Variants in CLSTN2 observed in about 807,000 individuals in gnomAD.
CLSTN2 encodes calsyntenin-2.
CLSTN2 carries 48 observed loss-of-function variants against 101.2 expected under a neutral mutation model. The ratio of observed to expected loss-of-function variants is 0.47; its 90% confidence interval spans 0.38 to 0.60. The LOEUF is 0.60. Among genes scored for constraint, CLSTN2 ranks in the 20% least tolerant of loss-of-function variants. The pLI, the probability that CLSTN2 is intolerant of heterozygous loss-of-function variation, is 0.00. For synonymous variants in CLSTN2, 481 were observed against 463.6 expected (o/e 1.04, Z -0.48); for missense variants, 1,160 against 1,238.2 (o/e 0.94, Z 0.95).
At chr3:140,340,184 TG>T (rs1477318960) in intron 2 of CLSTN2, among the ~76,000 whole-genome samples, 20 of 152,272 alleles carry the variant, frequency 1.3e-4, no homozygotes, top group Non-Finnish European at 1.5e-5. Context: ...TCCTAGCAGA[TG>T]TCCTCCTACA....
chr3:140,300,232 A>G (rs1463003850), intron 2 of CLSTN2, among the ~76,000 whole-genome samples: 2 of 152,224 alleles, frequency 1.3e-5, no homozygotes, highest in Non-Finnish European at 2.9e-5. Flanking sequence ...TTCCTGATGC[A>G]GGGCTGGGCA....
At chr3:140,516,280 TCCATTCTG>T (rs1490151466) in intron 8 of CLSTN2, among the ~76,000 whole-genome samples, 1 of 152,236 alleles carries the variant, frequency 6.6e-6, no homozygotes, top group East Asian at 1.9e-4. Flanking sequence ...TGAATTTTTA[TCCATTCTG>T]CCATTCTGTA....
intron 8 of CLSTN2, among the ~76,000 whole-genome samples, chr3:140,469,647 T>C (rs1933788578): frequency 6.6e-6 from 1 of 152,210 alleles, no homozygotes; most frequent in Non-Finnish European, 1.5e-5. Flanking sequence ...TTATCCTGCC[T>C]GTCTGCTCAC....
intron 1 of CLSTN2, among the ~76,000 whole-genome samples, chr3:140,034,554 G>C (rs1321538307): frequency 6.6e-6 from 1 of 152,220 alleles, no homozygotes; most frequent in African/African-American, 2.4e-5. Flanking sequence ...ACTTGCAAAT[G>C]CTGAGCCTGG....
Position 140,566,413 on chromosome 3 carries a change from T to C in CLSTN2, c.*160T>C, listed in dbSNP as rs1056076528. ...CCCTTTAAGCCTTGGGCACTCCCTG[T>C]GTTTCATCCATGGGGAAGTTCCAAG... is the stretch of plus-strand genomic sequence containing the variant. On this transcript the variant is annotated 3_prime_UTR_variant, in exon 17 of 17. Transcript: ENST00000458420. The C allele has an allele frequency of 1.5e-6, 1 of 688,218 alleles. No individual in the cohort carries two copies. The highest frequency in any genetic ancestry group is 1.8e-5 in the African/African-American group (1 of 55,584). The allele number at this position is 688,218 out of a possible 1,614,324, so 42.6% of individuals were successfully genotyped here. A position where few individuals can be genotyped will look rare whatever the true frequency, so the allele number is the denominator to read the frequency against.
At chr3:140,562,688 C>A (rs1935942647) in intron 13 of CLSTN2, 123 bp from the exon 14 acceptor site, 1 of 1,033,522 alleles carries the variant, frequency 9.7e-7, no homozygotes, top group Non-Finnish European at 1.4e-6. Flanking sequence ...ATATCTTGAG[C>A]TCTTACCCTC....
chr3:140,058,184 A>G (rs2008134376), intron 1 of CLSTN2, among the ~76,000 whole-genome samples: 2 of 152,246 alleles, frequency 1.3e-5, no homozygotes, highest in Admixed American at 1.3e-4. Context: ...CTAAGCCAGT[A>G]TCCCTGCCCT....
intron 1 of CLSTN2, among the ~76,000 whole-genome samples, chr3:140,000,820 T>C (rs1004479252): frequency 6.6e-6 from 1 of 152,202 alleles, no homozygotes; most frequent in Non-Finnish European, 1.5e-5. Context: ...ATCTCTACTG[T>C]TGTCCAGGAG....
chr3:140,092,462 G>T (rs1417516103), intron 1 of CLSTN2, among the ~76,000 whole-genome samples: 1 of 152,150 alleles, frequency 6.6e-6, no homozygotes, highest in East Asian at 1.9e-4. Context: ...CTTAGAGTGG[G>T]GTGTGTTTAT....
chr3:140,204,313 C>T (rs932024043), intron 2 of CLSTN2, among the ~76,000 whole-genome samples: 4 of 152,162 alleles, frequency 2.6e-5, no homozygotes, highest in African/African-American at 9.7e-5. Context: ...TGATGCCAGA[C>T]CTCACGGCTT....
At chr3:140,358,568 C>T (rs938741949) in intron 2 of CLSTN2, among the ~76,000 whole-genome samples, 5 of 152,214 alleles carry the variant, frequency 3.3e-5, no homozygotes, top group South Asian at 2.1e-4. Context: ...GACCATGACC[C>T]TTTCTTGGGT....
At chr3:140,449,926 AAAGG>A (rs1576574040) in intron 6 of CLSTN2, 1 of 152,336 alleles carries the variant, frequency 6.6e-6, no homozygotes, top group African/African-American at 2.4e-5. Flanking sequence ...GACGGTAGAC[AAAGG>A]AAGATACTCA....
intron 2 of CLSTN2, among the ~76,000 whole-genome samples, chr3:140,388,417 T>C (rs1221120813): frequency 6.6e-6 from 1 of 152,254 alleles, no homozygotes; most frequent in Non-Finnish European, 1.5e-5. Flanking sequence ...CTGTCTGCTT[T>C]GTCCCCAGTG....
At chr3:140,163,419 T>TACACACACACACACACACACAC (rs60464575) in intron 1 of CLSTN2, among the ~76,000 whole-genome samples, 147 of 145,120 alleles carry the variant, frequency 1.0e-3, no homozygotes, top group African/African-American at 3.5e-3. Context: ...TTTCTATCTC[T>TACACACACACACACACACACAC]ACACACACAC....
chr3:140,518,518 C>T (rs1186218003), intron 8 of CLSTN2, among the ~76,000 whole-genome samples: 1 of 152,220 alleles, frequency 6.6e-6, no homozygotes, highest in African/African-American at 2.4e-5. Flanking sequence ...TCACTTGGCT[C>T]TCTAAATGTG....
chr3:140,435,453 G>A (rs927469431), intron 5 of CLSTN2, among the ~76,000 whole-genome samples: 1 of 152,048 alleles, frequency 6.6e-6, no homozygotes, highest in Non-Finnish European at 1.5e-5. Flanking sequence ...CACATTTGCT[G>A]TATCCATTTA....
intron 4 of CLSTN2, among the ~76,000 whole-genome samples, chr3:140,417,240 T>A (rs533339711): frequency 6.0e-4 from 91 of 152,312 alleles, no homozygotes; most frequent in Middle Eastern, 3.4e-3. Flanking sequence ...TAATCACCAC[T>A]TTTACTACTG....
chr3:139,944,074 A>G (rs1272957559), intron 1 of CLSTN2, among the ~76,000 whole-genome samples: 1 of 152,198 alleles, frequency 6.6e-6, no homozygotes, highest in Non-Finnish European at 1.5e-5. Flanking sequence ...TCTTTCAAGA[A>G]CTTACTATGC....
intron 1 of CLSTN2, among the ~76,000 whole-genome samples, chr3:140,090,563 G>T (rs1337411791): frequency 2.6e-5 from 4 of 152,176 alleles, no homozygotes; most frequent in Non-Finnish European, 1.5e-5. Context: ...TGTATGTCGG[G>T]TGATGTGGGT....
Sources: gnomAD v4.1 joint callset for allele counts (sites outside exome capture counted in the v4.1 genomes callset) on GRCh38, gnomAD v4.1.1 for gene constraint, MANE v1.5 for transcripts, NCBI Gene and HGNC (gene_info 2026-07-23, HGNC 2026-07-21) for gene names.